Variants in IFNAR1 observed in about 807,000 individuals in gnomAD.
IFNAR1 encodes the protein interferon alpha/beta receptor 1.
IFNAR1 carries 47 observed loss-of-function variants against 62.1 expected under a neutral mutation model. The observed-to-expected ratio is 0.76, with a 90% CI of 0.60 to 0.97. IFNAR1 has a LOEUF of 0.97. Among genes scored for constraint, IFNAR1 ranks in the 50% least tolerant of loss-of-function variants. The pLI, the probability that IFNAR1 is intolerant of heterozygous loss-of-function variation, is 0.00. For synonymous variants in IFNAR1, 219 were observed against 226.9 expected (o/e 0.97, Z 0.31); for missense variants, 638 against 654.5 (o/e 0.97, Z 0.27).
chr21:33,339,231 T>G (rs1247489124), intron 2 of IFNAR1, among the ~76,000 whole-genome samples: 1 of 152,146 alleles, frequency 6.6e-6, no homozygotes, highest in Non-Finnish European at 1.5e-5. Context: ...TAATGAGAGT[T>G]TCTGGATTTT....
At chr21:33,347,644 G>T (rs563151283) in intron 6 of IFNAR1, among the ~76,000 whole-genome samples, 3 of 152,170 alleles carry the variant, frequency 2.0e-5, no homozygotes, top group Admixed American at 2.0e-4. Context: ...AACTGATTTG[G>T]GACCTTAATT....
chr21:33,328,323 A>G (rs1210640332), intron 1 of IFNAR1, among the ~76,000 whole-genome samples: 1 of 152,100 alleles, frequency 6.6e-6, no homozygotes, highest in Admixed American at 6.5e-5. Context: ...GTTGTTGTTA[A>G]TGGTGGTTAG....
At chr21:33,348,828 C>T (rs1369314311) in intron 6 of IFNAR1, among the ~76,000 whole-genome samples, 1 of 151,948 alleles carries the variant, frequency 6.6e-6, no homozygotes, top group African/African-American at 2.4e-5. Context: ...AAAAATAAAC[C>T]AGCTTGCAGC....
At chr21:33,345,961 A>G (rs1212541531) in intron 6 of IFNAR1, among the ~76,000 whole-genome samples, 2 of 152,202 alleles carry the variant, frequency 1.3e-5, no homozygotes, top group East Asian at 1.9e-4. Context: ...GCGCATGCCT[A>G]TCGTCCCAGC....
chr21:33,345,838 G>A (rs948450858), intron 6 of IFNAR1, among the ~76,000 whole-genome samples: 4 of 152,086 alleles, frequency 2.6e-5, no homozygotes, highest in Non-Finnish European at 4.4e-5. Context: ...TAGATACTTC[G>A]GTGGGAAAGA....
chr21:33,325,033 G>C lies in IFNAR1; in HGVS notation c.-23G>C, dbSNP rs752545951. The C allele has an allele frequency of 9.5e-6, 15 of 1,577,822 alleles. No homozygotes were observed. The highest frequency in any genetic ancestry group is 1.3e-5 in the Non-Finnish European group (15 of 1,162,168). ...CTGCGCGTGCGCGAACATGTAACTGGTGGGATCTGCGGCGGCTCCCAGATG... is the reference window on the plus strand; with the variant it reads ...CTGCGCGTGCGCGAACATGTAACTGCTGGGATCTGCGGCGGCTCCCAGATG... On this transcript the variant is annotated 5_prime_UTR_variant, in exon 1 of 11. Coordinates refer to ENST00000270139, the MANE Select transcript of IFNAR1 (RefSeq NM_000629.3).
rs2083440765 is a variant in IFNAR1 at position 33,355,622 on chromosome 21, C to T, written c.*73C>T. The T allele has an allele frequency of 1.4e-6, 1 of 717,574 alleles. No homozygotes were observed. Among genetic ancestry groups the T allele is most frequent in the African/African-American group, 1.8e-5 (1 of 55,890 alleles). The allele number at this position is 717,574 out of a possible 1,614,324, so 44.5% of individuals were successfully genotyped here. On this transcript the variant is annotated 3_prime_UTR_variant, in exon 11 of 11. Coordinates refer to ENST00000270139, the MANE Select transcript of IFNAR1 (RefSeq NM_000629.3). Reference sequence around the variant, plus strand: ...CTGGGAGCCTGAGGTCCTCACCTTCCTCTCAGTAACTACAGAGAGGACGTT... The same window carrying T: ...CTGGGAGCCTGAGGTCCTCACCTTCTTCTCAGTAACTACAGAGAGGACGTT...
rs2083110049 is a variant in IFNAR1 at position 33,324,982 on chromosome 21, G to A, written c.-74G>A. 1 of 1,382,884 alleles carries A rather than the reference G, an allele frequency of 7.2e-7. No individual in the cohort carries two copies. Among genetic ancestry groups the A allele is most frequent in the Non-Finnish European group, 1.0e-6 (1 of 996,920 alleles). 85.7% of individuals were successfully genotyped at this position (1,382,884 alleles called of 1,614,324 possible). ...TGTGCAGAGGGGCGGTGTGACTTAG[G>A]ACGGGGCGATGGCGGCTGAGAGGAG... is the stretch of plus-strand genomic sequence containing the variant. On this transcript the variant is annotated 5_prime_UTR_variant, in exon 1 of 11. Transcript: ENST00000270139.
intron 1 of IFNAR1, among the ~76,000 whole-genome samples, chr21:33,333,068 A>G (rs1195079982): frequency 1.3e-5 from 2 of 152,258 alleles, no homozygotes; most frequent in African/African-American, 4.8e-5. Context: ...ATCTGTTGTC[A>G]AAAGTCAAAG....
At chr21:33,330,415 T>C (rs1393482390) in intron 1 of IFNAR1, among the ~76,000 whole-genome samples, 1 of 152,090 alleles carries the variant, frequency 6.6e-6, no homozygotes, top group Non-Finnish European at 1.5e-5. Flanking sequence ...AACAACTGCA[T>C]TTATGGGGAA....
intron 2 of IFNAR1, among the ~76,000 whole-genome samples, chr21:33,339,889 C>A (rs1403058406): frequency 6.8e-6 from 1 of 147,024 alleles, no homozygotes; most frequent in Admixed American, 6.9e-5. Flanking sequence ...GATTGCACCA[C>A]TGCACTCCAG....
chr21:33,343,593 C>G lies in IFNAR1; in HGVS notation c.590C>G (p.Thr197Ser). The change falls in exon 5 of 11, where the codon ACT (threonine) becomes AGT (serine). Residue 197 changes from threonine (T) to serine (S), a missense_variant. Thr to Ser is a moderately conservative substitution (Grantham distance 58, BLOSUM62 1). Coordinates refer to ENST00000270139, the MANE Select transcript of IFNAR1 (RefSeq NM_000629.3). Reference sequence around the variant, plus strand: ...ATTTATAAACTCTCACCAGAGACTACTTATTGTCTAAAAGTTAAAGCAGCA... The same window carrying G: ...ATTTATAAACTCTCACCAGAGACTAGTTATTGTCTAAAAGTTAAAGCAGCA... ...HKIYKLSPET[T>S]YCLKVKAALL... is the part of the protein sequence containing the mutation. 1.3e-6 allele frequency: 2 copies of G among 1,571,166 alleles called. No homozygotes were observed. Among genetic ancestry groups the G allele is most frequent in the Non-Finnish European group, 1.8e-6 (2 of 1,141,154 alleles).
At chr21:33,335,158 A>G (rs1279264160) in intron 1 of IFNAR1, 3 of 576,940 alleles carry the variant, frequency 5.2e-6, no homozygotes, top group Non-Finnish European at 9.6e-6. Flanking sequence ...CTATGAACAT[A>G]CAATGTGAAA....
rs2083473694 is a variant in IFNAR1 at position 33,358,840 on chromosome 21, T to TA, written c.*3291_*3292insA. ...GTAACATGGCCAGACCCCATCTCTATTTATATATATATATATAAAACTTAG... is the reference window on the plus strand; with the variant it reads ...GTAACATGGCCAGACCCCATCTCTATATTATATATATATATATAAAACTTAG... On this transcript the variant is annotated 3_prime_UTR_variant, in exon 11 of 11. Transcript: ENST00000270139. 1.3e-5 allele frequency: 2 copies of TA among 148,564 alleles called. No homozygotes were observed. Among genetic ancestry groups the TA allele is most frequent in the African/African-American group, 5.3e-5 (2 of 38,052 alleles). 9.2% of individuals were successfully genotyped at this position (148,564 alleles called of 1,614,324 possible).
chr21:33,345,170 G>A (rs2083333442), intron 5 of IFNAR1, 76 bp from the exon 6 acceptor site: 1 of 727,652 alleles, frequency 1.4e-6, no homozygotes, highest in South Asian at 1.6e-5. Flanking sequence ...GATAAAATGC[G>A]AGCCTTTATC....
At chr21:33,334,982 A>G (rs2083219294) in intron 1 of IFNAR1, 4 of 1,575,596 alleles carry the variant, frequency 2.5e-6, no homozygotes, top group Admixed American at 3.4e-5. Context: ...CAGGGCTCAG[A>G]GGCACTGCTT....
At position 33,335,053 on chromosome 21, in the gene IFNAR1, C is replaced by T. The variant is rs17875799; in HGVS notation, c.77-471C>T. On this transcript the variant is annotated intron_variant, in intron 1 of 10. Transcript: ENST00000270139. ...TGTGATGATGTCACCACAAGGAGTA[C>T]TGCAGGGAGGAAGCCAGCACTTGAT... 3,014 of 1,205,074 alleles carry T rather than the reference C, an allele frequency of 2.5e-3. 56 individuals carry two copies. The African/African-American group carries it at 0.037, about 15-fold the overall frequency. 74.6% of individuals were successfully genotyped at this position (1,205,074 alleles called of 1,614,324 possible).
rs545653669 is a variant in IFNAR1, at chr21:33,345,511, C to T, written c.788+151C>T. 4.1e-5 allele frequency: 26 copies of T among 631,868 alleles called. No individual in the cohort carries two copies. The East Asian group carries it at 6.8e-4, about 17-fold the overall frequency. The allele number at this position is 631,868 out of a possible 1,614,324, so 39.1% of individuals were successfully genotyped here. A position where few individuals can be genotyped will look rare whatever the true frequency, so the allele number is the denominator to read the frequency against. Reference sequence around the variant, plus strand: ...AAACGTGAGAAATCTCATTTCTAACCCCAGTTCTGCCAGTAACTAACTGGA... The same window carrying T: ...AAACGTGAGAAATCTCATTTCTAACTCCAGTTCTGCCAGTAACTAACTGGA... On this transcript the variant is annotated intron_variant, in intron 6 of 10. Coordinates refer to ENST00000270139, the MANE Select transcript of IFNAR1 (RefSeq NM_000629.3).
intron 1 of IFNAR1, among the ~76,000 whole-genome samples, chr21:33,330,597 A>G (rs1210338217): frequency 1.3e-5 from 2 of 152,198 alleles, no homozygotes; most frequent in African/African-American, 4.8e-5. Context: ...ATGGCCAACT[A>G]GAAGCCCCTT....
Sources: allele counts gnomAD v4.1 joint callset (sites outside exome capture counted in the v4.1 genomes callset), GRCh38; gene constraint gnomAD v4.1.1; transcripts MANE v1.5; gene names NCBI Gene and HGNC (gene_info 2026-07-23, HGNC 2026-07-21).